The following TM6SF1 variants were observed in gnomAD, a reference collection of about 807,000 sequenced individuals.
TM6SF1 encodes transmembrane 6 superfamily member 1.
TM6SF1 carries 43 observed loss-of-function variants against 47.1 expected under a neutral mutation model. The ratio of observed to expected loss-of-function variants is 0.91; its 90% confidence interval spans 0.72 to 1.18. The LOEUF (loss-of-function observed/expected upper bound fraction) is 1.18. TM6SF1 is among the 50% of genes most tolerant of loss of function. The probability of loss-of-function intolerance (pLI) is 0.00; values close to 1 mark genes in which losing one functional copy is unlikely to be tolerated. For synonymous variants in TM6SF1, 177 were observed against 166.3 expected, an observed-to-expected ratio of 1.06 and a Z score of -0.49; for missense variants, 390 against 449.0, an observed-to-expected ratio of 0.87 and a Z score of 1.19.
At chr15:83,112,608 T>A in intron 1 of TM6SF1, 189 bp from the exon 2 acceptor site, 2 of 608,520 alleles carry the variant, frequency 3.3e-6, no homozygotes, top group Non-Finnish European at 5.9e-6. Flanking sequence ...AGTCATGGGC[T>A]GCAGCCCAGA....
intron 9 of TM6SF1, chr15:83,134,804 T>G (rs543967111): frequency 6.6e-6 from 1 of 152,378 alleles, no homozygotes; most frequent in South Asian, 2.1e-4. Context: ...GAGAAAATGC[T>G]TGGTTATATA....
intron 6 of TM6SF1, among the ~76,000 whole-genome samples, chr15:83,124,164 G>A (rs1448652685): frequency 6.6e-6 from 1 of 152,130 alleles, no homozygotes; most frequent in Non-Finnish European, 1.5e-5. Flanking sequence ...GTGGGAAAGT[G>A]CTTATAATAT....
chr15:83,119,531 T>A (rs781157202), intron 3 of TM6SF1, 47 bp from the exon 4 acceptor site: 6 of 1,599,258 alleles, frequency 3.8e-6, no homozygotes, highest in Non-Finnish European at 5.1e-6. Context: ...ATGTTCTGCA[T>A]TTACAGGTCT....
intron 2 of TM6SF1, chr15:83,114,396 G>C (rs1279147232): frequency 6.6e-6 from 1 of 152,276 alleles, no homozygotes; most frequent in East Asian, 1.9e-4. Context: ...GTTGTCATCA[G>C]CAATCATTGG....
chr15:83,118,920 T>G (rs1336522688), intron 3 of TM6SF1, among the ~76,000 whole-genome samples: 2 of 152,168 alleles, frequency 1.3e-5, no homozygotes, highest in Non-Finnish European at 2.9e-5. Context: ...AGGAGAAGTA[T>G]GGCTCTTCTT....
intron 1 of TM6SF1, among the ~76,000 whole-genome samples, chr15:83,108,530 A>C (rs1167583609): frequency 6.6e-6 from 1 of 152,146 alleles, no homozygotes; most frequent in Non-Finnish European, 1.5e-5. Flanking sequence ...GGAGGGGGAC[A>C]GGGCTTGGGT....
chr15:83,121,932 G>C lies in TM6SF1; in HGVS notation c.410G>C (p.Arg137Thr). 6.2e-7 allele frequency: 1 copy of C among 1,606,332 alleles called. No homozygotes were observed. Among genetic ancestry groups the C allele is most frequent in the Non-Finnish European group, 8.5e-7 (1 of 1,178,200 alleles). ...TGTTGTTGTTACAGGGAAACTTATA[G>C]AACCATTGGCCTATATTGGGTTGGA... Reference protein sequence around the residue: ...VAAIAWEETYRTIGLYWVGSI... With the variant: ...VAAIAWEETYTTIGLYWVGSI... Residue 137 changes from arginine (R) to threonine (T), a missense_variant, in exon 5 of 10, where the codon AGA (arginine) becomes ACA (threonine). By Grantham distance (71) the Arg-to-Thr change is moderately conservative. Transcript: ENST00000322019.
intron 1 of TM6SF1, among the ~76,000 whole-genome samples, chr15:83,108,623 T>G (rs62010205): frequency 6.6e-6 from 1 of 152,266 alleles, no homozygotes; most frequent in South Asian, 2.1e-4. Flanking sequence ...TCGCCGGGTG[T>G]TGGGACAGGC....
chr15:83,109,882 A>G (rs764922802), intron 1 of TM6SF1, among the ~76,000 whole-genome samples: 3 of 152,014 alleles, frequency 2.0e-5, no homozygotes, highest in Non-Finnish European at 4.4e-5. Context: ...TTGAAGCCGC[A>G]CCTGGACTTT....
At chr15:83,114,038 G>A (rs1567134196) in intron 2 of TM6SF1, 2 of 152,440 alleles carry the variant, frequency 1.3e-5, no homozygotes, top group South Asian at 2.1e-4. Context: ...TTTACAGCCA[G>A]TCATTAGATG....
At chr15:83,136,188 G>T in intron 9 of TM6SF1, 1 of 249,320 alleles carries the variant, frequency 4.0e-6, no homozygotes, top group Non-Finnish European at 7.6e-6. Flanking sequence ...ACTAATGTTC[G>T]GTAAGGGGCA....
At chr15:83,129,053 A>G (rs901978464) in intron 9 of TM6SF1, 5 of 152,126 alleles carry the variant, frequency 3.3e-5, no homozygotes, top group African/African-American at 1.2e-4. Context: ...TTATTCTCAA[A>G]TGCCTGCTTC....
At position 83,126,143 on chromosome 15, in the gene TM6SF1, T is replaced by C. The variant is rs142980748; in HGVS notation, c.709-612T>C. ...ATTGGGGCCATTTTTACCAACTCTG[T>C]CATTGGCCTGTGTTCATATATGCCA... On this transcript the variant is annotated intron_variant, in intron 7 of 9. Coordinates refer to ENST00000322019, the MANE Select transcript of TM6SF1 (RefSeq NM_023003.5). Among the ~76,000 whole-genome samples the C allele has an allele frequency of 1.2e-3, 183 of 152,248 alleles. 1 individual carries two copies. The highest frequency in any genetic ancestry group is 9.9e-4 in the African/African-American group (41 of 41,530).
chr15:83,128,312 T>A (rs1206839252), intron 9 of TM6SF1: 1 of 152,210 alleles, frequency 6.6e-6, no homozygotes, highest in Non-Finnish European at 1.5e-5. Context: ...AAGGGGTCAA[T>A]GCATTAAATC....
At chr15:83,111,796 G>C in intron 1 of TM6SF1, 1 of 519,114 alleles carries the variant, frequency 1.9e-6, no homozygotes, top group South Asian at 8.3e-5. Flanking sequence ...AGAACTCCTA[G>C]TGGGTAGAGC....
At chr15:83,111,175 T>C (rs1013967360) in intron 1 of TM6SF1, among the ~76,000 whole-genome samples, 2 of 152,102 alleles carry the variant, frequency 1.3e-5, no homozygotes, top group African/African-American at 2.4e-5. Context: ...CCCGGCCTCA[T>C]TCTTATCATA....
chr15:83,127,863 G>A (rs1168829441), intron 9 of TM6SF1: 1 of 261,508 alleles, frequency 3.8e-6, no homozygotes, highest in Non-Finnish European at 7.3e-6. Flanking sequence ...TAAGACTTCA[G>A]AATTCCACTA....
At chr15:83,134,135 T>C (rs1427516957) in intron 9 of TM6SF1, 5 of 152,230 alleles carry the variant, frequency 3.3e-5, no homozygotes, top group Admixed American at 1.3e-4. Context: ...TGAACGTTTA[T>C]TGAGCTCTAA....
At chr15:83,126,902 A>G in intron 8 of TM6SF1, 55 bp downstream of exon 8, 5 of 1,463,814 alleles carry the variant, frequency 3.4e-6, no homozygotes, top group Non-Finnish European at 9.5e-7. Flanking sequence ...TTTTTAAAAA[A>G]TGGGTCCCAG....
Sources: gnomAD v4.1 joint callset for allele counts (sites outside exome capture counted in the v4.1 genomes callset) on GRCh38, gnomAD v4.1.1 for gene constraint, MANE v1.5 for transcripts, NCBI Gene and HGNC (gene_info 2026-07-23, HGNC 2026-07-21) for gene names.